Variants in CWC25 observed in about 807,000 individuals in gnomAD.
The protein encoded by CWC25 is pre-mRNA-splicing factor CWC25 homolog.
CWC25 carries 31 observed loss-of-function variants against 54.6 expected under a neutral mutation model. The observed-to-expected ratio is 0.57, with a 90% CI of 0.43 to 0.77. The LOEUF is 0.77. CWC25 is among the 30% of genes least tolerant of loss of function. CWC25 has a pLI of 0.00. For synonymous variants in CWC25, 151 were observed against 187.0 expected, an observed-to-expected ratio of 0.81 and a Z score of 1.57; for missense variants, 453 against 529.3, an observed-to-expected ratio of 0.86 and a Z score of 1.41.
rs12946183 is a variant in CWC25, at chr17:38,809,320, C to T, written c.690+382G>A. Among the ~76,000 whole-genome samples, 107 of 150,972 alleles carry T rather than the reference C, an allele frequency of 7.1e-4. 1 individual carries two copies. Among genetic ancestry groups the T allele is most frequent in the African/African-American group, 2.0e-3 (82 of 41,098 alleles). On this transcript the variant is annotated intron_variant, in intron 6 of 9. Transcript: ENST00000614790. ...GTGGGCGCCTGTAATCCCAGCTACT[C>T]GGGAGGCTAAAGCAGGAGAATAGCT...
chr17:38,823,132 C>A (rs1911994492), intron 1 of CWC25, among the ~76,000 whole-genome samples: 1 of 151,372 alleles, frequency 6.6e-6, no homozygotes, highest in South Asian at 2.1e-4. Flanking sequence ...GCCACCACAC[C>A]CAGCCTGACT....
intron 2 of CWC25, among the ~76,000 whole-genome samples, chr17:38,820,560 T>C (rs1306177094): frequency 1.3e-5 from 2 of 152,190 alleles, no homozygotes; most frequent in South Asian, 2.1e-4. Context: ...CAACATATGC[T>C]GAGAAGCAGG....
chr17:38,810,330 G>T, intron 5 of CWC25, 138 bp downstream of exon 5: 1 of 867,662 alleles, frequency 1.2e-6, no homozygotes, highest in Non-Finnish European at 1.7e-6. Context: ...TGGGCACTGG[G>T]CCCATGTTCA....
At chr17:38,805,836 A>G (rs887029292) in intron 8 of CWC25, among the ~76,000 whole-genome samples, 3 of 150,544 alleles carry the variant, frequency 2.0e-5, no homozygotes, top group Non-Finnish European at 3.0e-5. Flanking sequence ...TTTTTGAGAC[A>G]AAGTCTTGCA....
intron 2 of CWC25, among the ~76,000 whole-genome samples, chr17:38,818,063 G>T (rs1226773906): frequency 1.3e-5 from 2 of 150,962 alleles, no homozygotes; most frequent in African/African-American, 2.4e-5. Context: ...AGATCACAAG[G>T]TCAGGAGTTC....
At position 38,806,930 on chromosome 17, in the gene CWC25, G is replaced by C. The variant is rs753739233; in HGVS notation, c.737C>G (p.Ala246Gly). Residue 246 changes from alanine (A) to glycine (G), a missense_variant, in exon 7 of 10, where the codon GCA becomes GGA. Ala to Gly is a moderately conservative substitution (Grantham distance 60). Transcript: ENST00000614790. The part of the protein sequence containing the change: ...RNQGLQGPLT[A>G]EQKRGHGMKN... The stretch of plus-strand genomic sequence containing the variant: ...CATCCCATGCCCTCTCTTTTGCTCT[G>C]CTGTCAGAGGACCCTGAAGACCCTG... 1 of 1,613,904 alleles carries C rather than the reference G, an allele frequency of 6.2e-7. No individual in the cohort carries two copies.
At chr17:38,825,072 T>C in intron 1 of CWC25, 94 bp downstream of exon 1, 2 of 1,186,246 alleles carry the variant, frequency 1.7e-6, no homozygotes, top group Non-Finnish European at 2.3e-6. Context: ...CAAAGCTGCG[T>C]TGCCATGGTT....
chr17:38,806,485 G>A (rs1037169852), intron 7 of CWC25, 90 bp from the exon 8 acceptor site: 5 of 1,100,294 alleles, frequency 4.5e-6, no homozygotes, highest in Non-Finnish European at 6.7e-6. Flanking sequence ...ATGAGCTAAT[G>A]GTCTTAGAGG....
In CWC25 at chr17:38,822,285, AC is replaced by A. The variant is rs202042811; in HGVS notation, c.19-1213del. On this transcript the variant is annotated intron_variant, in intron 1 of 9. Coordinates refer to ENST00000614790, the MANE Select transcript of CWC25 (RefSeq NM_017748.5). The stretch of plus-strand genomic sequence containing the variant: ...TCTATGTTGGTCAGGCTGGTCTCAA[AC>A]TCTCGACCTCAGGTGATCCGCCTGC... Among the ~76,000 whole-genome samples, 75 of 151,802 alleles carry A rather than the reference AC, an allele frequency of 4.9e-4. 1 individual carries two copies. In the East Asian group the frequency reaches 0.012, roughly 25 times the overall value.
At chr17:38,812,589 T>C (rs1911535431) in intron 4 of CWC25, among the ~76,000 whole-genome samples, 1 of 151,892 alleles carries the variant, frequency 6.6e-6, no homozygotes, top group Non-Finnish European at 1.5e-5. Context: ...ATCATGCCAT[T>C]GCACTCCAGC....
At chr17:38,820,144 A>G (rs1911864704) in intron 2 of CWC25, among the ~76,000 whole-genome samples, 1 of 152,158 alleles carries the variant, frequency 6.6e-6, no homozygotes, top group African/African-American at 2.4e-5. Flanking sequence ...TACATTACCC[A>G]GACTGGTCTC....
chr17:38,823,713 C>G (rs1203249904), intron 1 of CWC25, among the ~76,000 whole-genome samples: 1 of 152,134 alleles, frequency 6.6e-6, no homozygotes, highest in African/African-American at 2.4e-5. Flanking sequence ...CTTCCTCCCT[C>G]ACTCCCTCCC....
chr17:38,811,187 C>T (rs1310167772), intron 4 of CWC25, among the ~76,000 whole-genome samples: 4 of 150,748 alleles, frequency 2.7e-5, no homozygotes, highest in Non-Finnish European at 5.9e-5. Context: ...GCTGAGATCA[C>T]GCCACTGCAC....
chr17:38,803,182 A>T (rs908007340), intron 8 of CWC25, among the ~76,000 whole-genome samples: 1 of 152,246 alleles, frequency 6.6e-6, no homozygotes, highest in Admixed American at 6.5e-5. Context: ...TCAACAATTG[A>T]CAGAAGAACA....
At chr17:38,803,260 A>G (rs1180830363) in intron 8 of CWC25, among the ~76,000 whole-genome samples, 1 of 152,212 alleles carries the variant, frequency 6.6e-6, no homozygotes, top group East Asian at 1.9e-4. Context: ...CTAGAAATTC[A>G]TGACACAGCC....
At position 38,802,211 on chromosome 17, in the gene CWC25, G is replaced by A. The variant is rs1555547303; in HGVS notation, c.1164-5C>T. 3.7e-6 allele frequency: 6 copies of A among 1,600,608 alleles called. No individual in the cohort carries two copies. Among genetic ancestry groups the A allele is most frequent in the Middle Eastern group, 3.3e-4 (2 of 6,016 alleles). On this transcript the variant is annotated splice_polypyrimidine_tract_variant and splice_region_variant and intron_variant, in intron 9 of 9. Coordinates refer to ENST00000614790, the MANE Select transcript of CWC25 (RefSeq NM_017748.5). The stretch of plus-strand genomic sequence containing the variant: ...GCACTCTCCAGCTTCATGCGGCTAG[G>A]AAGAGAAGACAGGCAAATGCAAGTC...
intron 6 of CWC25, 124 bp downstream of exon 6, chr17:38,809,578 G>A (rs905475884): frequency 5.2e-6 from 4 of 770,372 alleles, no homozygotes; most frequent in East Asian, 2.7e-5. Context: ...GGTGCTCAGC[G>A]ATAAGAATGG....
chr17:38,809,810 A>G (rs749695005), intron 5 of CWC25, 45 bp from the exon 6 acceptor site: 2 of 1,538,328 alleles, frequency 1.3e-6, no homozygotes, highest in African/African-American at 2.7e-5. Context: ...GAAAATATAT[A>G]TAGGTCCAAT....
At position 38,810,547 on chromosome 17, in the gene CWC25, T is replaced by C. The variant is rs1431385787; in HGVS notation, c.547A>G (p.Lys183Glu). 1.3e-6 allele frequency: 2 copies of C among 1,586,718 alleles called. No individual in the cohort carries two copies. The highest frequency in any genetic ancestry group is 1.3e-5 in the African/African-American group (1 of 74,688). Residue 183 changes from lysine (K) to glutamate (E), a missense_variant, in exon 5 of 10, where the codon AAA (lysine) becomes GAA (glutamate). By Grantham distance (56) the Lys-to-Glu change is moderately conservative. Coordinates refer to ENST00000614790, the MANE Select transcript of CWC25 (RefSeq NM_017748.5). The part of the protein sequence containing the change: ...KKEKKKKKEK[K>E]KKHKKHKHRS... Reference sequence around the variant, plus strand: ...TGCTTATGTTTCTTGTGCTTCTTTTTCTTCTCCTTCTTTTTCTTCTTCTCC... The same window carrying C: ...TGCTTATGTTTCTTGTGCTTCTTTTCCTTCTCCTTCTTTTTCTTCTTCTCC...
Sources: gnomAD v4.1 joint callset for allele counts (sites outside exome capture counted in the v4.1 genomes callset) on GRCh38, gnomAD v4.1.1 for gene constraint, MANE v1.5 for transcripts, NCBI Gene and HGNC (gene_info 2026-07-23, HGNC 2026-07-21) for gene names.